The following COLQ variants were observed in gnomAD, a reference collection of about 807,000 sequenced individuals.
COLQ encodes the protein collagen like tail subunit of asymmetric acetylcholinesterase.
A neutral mutation model predicts 69.0 loss-of-function variants in COLQ; 48 were observed. The ratio of observed to expected loss-of-function variants is 0.70; its 90% CI spans 0.55 to 0.88. The LOEUF (loss-of-function observed/expected upper bound fraction) is 0.88. Among genes scored for constraint, COLQ ranks in the 40% least tolerant of loss-of-function variants. The pLI is 0.00. For missense variants in COLQ, 618 were observed against 594.6 expected (o/e 1.04, Z -0.41); for synonymous variants, 217 against 211.2 (o/e 1.03, Z -0.24).
intron 1 of COLQ, among the ~76,000 whole-genome samples, chr3:15,517,822 C>A (rs1313601640): frequency 6.6e-6 from 1 of 152,210 alleles, no homozygotes; most frequent in Non-Finnish European, 1.5e-5. Context: ...AAAGTAGGCA[C>A]AATCCAGTCA....
Position 15,470,587 on chromosome 3 carries a change from C to A in COLQ, c.666G>T (p.Gly222=), listed in dbSNP as rs1333225884. The change falls in exon 11 of 17, where the codon GGG becomes GGT. Residue 222 remains glycine, a synonymous_variant. Coordinates refer to ENST00000383788, the MANE Select transcript of COLQ (RefSeq NM_005677.4). ...KGEMGPKGEP[G]IAGHRGPTGR... is the part of the protein sequence containing the mutation. ...CTGTGGGTCCTCGGTGTCCTGCTAT[C>A]CCAGGTTCACCTTTTGGACCCATTT... is the stretch of plus-strand genomic sequence containing the variant. 24 of 1,614,026 alleles carry A rather than the reference C, an allele frequency of 1.5e-5. No homozygotes were observed. Among genetic ancestry groups the A allele is most frequent in the Non-Finnish European group, 1.9e-5 (23 of 1,180,022 alleles).
Position 15,453,779 on chromosome 3 carries a change from G to C in COLQ, c.1298+50C>G, listed in dbSNP as rs201104986. On this transcript the variant is annotated intron_variant, in intron 16 of 16. Coordinates refer to ENST00000383788, the MANE Select transcript of COLQ (RefSeq NM_005677.4). ...GTGAAGGAAAGAAGGAAAGCAAAGA[G>C]GAGGGAGGGAGAAAGAAGGGGGAGA... 5.0e-6 allele frequency: 6 copies of C among 1,198,210 alleles called. No homozygotes were observed. The East Asian group carries it at 1.5e-4, about 30-fold the overall frequency. 74.2% of individuals were successfully genotyped at this position (1,198,210 alleles called of 1,614,324 possible).
chr3:15,507,005 T>C (rs1271551375), intron 1 of COLQ: 1 of 152,252 alleles, frequency 6.6e-6, no homozygotes. Flanking sequence ...CTTGCTACGT[T>C]GCCTAGGCTG....
At position 15,456,137 on chromosome 3, in the gene COLQ, C is replaced by A. The variant is rs1290969823; in HGVS notation, c.1075-118G>T. ...TGGGGGGCATGCCTTGACTTCCTCC[C>A]AGGGGTGGGAAAGGTACTCCTTTCC... On this transcript the variant is annotated intron_variant, in intron 14 of 16. Coordinates refer to ENST00000383788, the MANE Select transcript of COLQ (RefSeq NM_005677.4). 3.2e-6 allele frequency: 4 copies of A among 1,245,606 alleles called. No homozygotes were observed. In the African/African-American group the frequency reaches 5.9e-5, roughly 18 times the overall value. The allele number at this position is 1,245,606 out of a possible 1,614,324, so 77.2% of individuals were successfully genotyped here.
At chr3:15,485,698 C>T (rs1452251310) in intron 3 of COLQ, among the ~76,000 whole-genome samples, 1 of 152,206 alleles carries the variant, frequency 6.6e-6, no homozygotes, top group Non-Finnish European at 1.5e-5. Flanking sequence ...TGGCTTATGC[C>T]TATAATCTCA....
chr3:15,470,667 G>T, intron 10 of COLQ, 51 bp from the exon 11 acceptor site: 1 of 1,508,290 alleles, frequency 6.6e-7, no homozygotes, highest in Non-Finnish European at 9.2e-7. Context: ...TGTGGAGTGG[G>T]CACATCTACA....
In COLQ at chr3:15,450,590, C is replaced by G. The variant is rs2061927535; in HGVS notation, c.*1054G>C. On this transcript the variant is annotated 3_prime_UTR_variant, in exon 17 of 17. Coordinates refer to ENST00000383788, the MANE Select transcript of COLQ (RefSeq NM_005677.4). Reference sequence around the variant, plus strand: ...AATAATCTTATTGAAAAGGGAGGAGCTCAGGCACACAGGAGGACAAGGCTA... The same window carrying G: ...AATAATCTTATTGAAAAGGGAGGAGGTCAGGCACACAGGAGGACAAGGCTA... 6.5e-6 allele frequency: 1 copy of G among 153,732 alleles called. No individual in the cohort carries two copies. Among genetic ancestry groups the G allele is most frequent in the African/African-American group, 2.4e-5 (1 of 41,434 alleles). The allele number at this position is 153,732 out of a possible 1,614,324, so 9.5% of individuals were successfully genotyped here. A position where few individuals can be genotyped will look rare whatever the true frequency, so the allele number is the denominator to read the frequency against.
At chr3:15,467,736 T>C in intron 11 of COLQ, 1 of 399,476 alleles carries the variant, frequency 2.5e-6, no homozygotes, top group Non-Finnish European at 5.0e-6. Flanking sequence ...TGGTTCTTCT[T>C]ACTACACTTG....
intron 15 of COLQ, 101 bp from the exon 16 acceptor site, chr3:15,454,032 C>A (rs1316485386): frequency 1.3e-6 from 1 of 792,710 alleles, no homozygotes; most frequent in Non-Finnish European, 2.2e-6. Context: ...AACCTAAGTG[C>A]TGCACCCCTT....
chr3:15,519,192 T>G (rs1045409731), intron 1 of COLQ, among the ~76,000 whole-genome samples: 18 of 152,256 alleles, frequency 1.2e-4, no homozygotes, highest in African/African-American at 4.3e-4. Context: ...ATTCCATTGT[T>G]TTCCCTAATG....
At chr3:15,501,752 T>C (rs1046107437) in intron 1 of COLQ, among the ~76,000 whole-genome samples, 6 of 152,228 alleles carry the variant, frequency 3.9e-5, no homozygotes, top group Non-Finnish European at 1.5e-5. Context: ...CTGATCAACC[T>C]GGTCTGCCTT....
intron 1 of COLQ, among the ~76,000 whole-genome samples, chr3:15,510,099 C>T (rs544204571): frequency 6.6e-6 from 1 of 152,120 alleles, no homozygotes; most frequent in Non-Finnish European, 1.5e-5. Flanking sequence ...TGGCGTGAGC[C>T]CCGGAGGCAG....
At position 15,477,073 on chromosome 3, in the gene COLQ, T is replaced by C. The variant is rs2062391007; in HGVS notation, c.465+53A>G. On this transcript the variant is annotated intron_variant, in intron 6 of 16. Coordinates refer to ENST00000383788, the MANE Select transcript of COLQ (RefSeq NM_005677.4). The stretch of plus-strand genomic sequence containing the variant: ...GCCAGGAGCCAGGAAAGCTGCCATC[T>C]TCCCCCCTCTTGTTTTGACACCGCA... 7 of 1,506,596 alleles carry C rather than the reference T, an allele frequency of 4.6e-6. No homozygotes were observed. The Admixed American group carries it at 5.8e-5, about 12-fold the overall frequency. The allele number at this position is 1,506,596 out of a possible 1,614,324, so 93.3% of individuals were successfully genotyped here.
chr3:15,461,190 C>CCCCGCA (rs11283035), intron 12 of COLQ, among the ~76,000 whole-genome samples: 3,979 of 125,330 alleles, frequency 0.032, 161 homozygotes, highest in African/African-American at 0.1. Flanking sequence ...TGCCTTTATT[C>CCCCGCA]CCCCCCCGAC....
chr3:15,480,089 A>G (rs1408655903), intron 3 of COLQ, among the ~76,000 whole-genome samples: 1 of 152,230 alleles, frequency 6.6e-6, no homozygotes, highest in African/African-American at 2.4e-5. Flanking sequence ...CCAAAACAGC[A>G]GAGAGGAAAT....
At chr3:15,488,085 C>G in intron 3 of COLQ, 121 bp downstream of exon 3, 1 of 737,874 alleles carries the variant, frequency 1.4e-6, no homozygotes, top group Non-Finnish European at 2.3e-6. Context: ...AGGAAGTAAG[C>G]GAGAGAAGGA....
At chr3:15,452,492 G>A (rs1286127028) in intron 16 of COLQ, among the ~76,000 whole-genome samples, 1 of 152,174 alleles carries the variant, frequency 6.6e-6, no homozygotes, top group African/African-American at 2.4e-5. Flanking sequence ...TCCGAGACAG[G>A]GCGTTAAACC....
intron 16 of COLQ, among the ~76,000 whole-genome samples, chr3:15,453,180 G>T (rs2061973374): frequency 6.6e-6 from 1 of 152,240 alleles, no homozygotes; most frequent in Non-Finnish European, 1.5e-5. Flanking sequence ...GCACCTCATG[G>T]GGCGGTGGCC....
At position 15,451,627 on chromosome 3, in the gene COLQ, CCTT is replaced by C; in HGVS notation, c.*14_*16del. 6.2e-7 allele frequency: 1 copy of C among 1,613,574 alleles called. No homozygotes were observed. The highest frequency in any genetic ancestry group is 2.2e-5 in the East Asian group (1 of 44,888). On this transcript the variant is annotated 3_prime_UTR_variant, in exon 17 of 17. Transcript: ENST00000383788. ...TGCCAGTTCTGTGGGGCGCAGCCCA[CCTT>C]CTCCTCACGGCCCTCAGGTGAAGTA... is the stretch of plus-strand genomic sequence containing the variant.
Sources: gnomAD v4.1 joint callset for allele counts (sites outside exome capture counted in the v4.1 genomes callset) on GRCh38, gnomAD v4.1.1 for gene constraint, MANE v1.5 for transcripts, NCBI Gene and HGNC (gene_info 2026-07-23, HGNC 2026-07-21) for gene names.